TTC23: variants seen among roughly 807,000 people sequenced by gnomAD.
TTC23 encodes tetratricopeptide repeat protein 23.
Under a neutral mutation model 55.1 loss-of-function variants are expected in TTC23, and 58 were observed. The ratio of observed to expected loss-of-function variants is 1.05; its 90% CI spans 0.85 to 1.31. The LOEUF is 1.31. TTC23 is among the 50% of genes most tolerant of loss of function. TTC23 has a pLI of 0.00. For missense variants in TTC23, 516 were observed against 534.4 expected, an observed-to-expected ratio of 0.97 and a Z score of 0.34; for synonymous variants, 203 against 199.9, an observed-to-expected ratio of 1.02 and a Z score of -0.13.
chr15:99,148,308 C>T (rs1005719284), intron 12 of TTC23, among the ~76,000 whole-genome samples: 2 of 127,736 alleles, frequency 1.6e-5, no homozygotes, highest in Admixed American at 9.5e-5. Context: ...TTGCAGTGAG[C>T]CGAGATCGCG....
chr15:99,187,541 T>C (rs1297747376), intron 9 of TTC23, among the ~76,000 whole-genome samples: 2 of 144,312 alleles, frequency 1.4e-5, no homozygotes, highest in African/African-American at 2.6e-5. Flanking sequence ...AAAGGACACA[T>C]CAAGAAAGTC....
chr15:99,191,713 T>A (rs953079702), intron 9 of TTC23, among the ~76,000 whole-genome samples: 4 of 152,166 alleles, frequency 2.6e-5, no homozygotes, highest in African/African-American at 9.7e-5. Flanking sequence ...ATCAGCAGCA[T>A]GAAAACAGAC....
chr15:99,193,977 C>T (rs2075473645), intron 9 of TTC23, among the ~76,000 whole-genome samples: 2 of 151,524 alleles, frequency 1.3e-5, no homozygotes, highest in African/African-American at 4.9e-5. Flanking sequence ...CCACTGCACT[C>T]CAGCCTGGGT....
At chr15:99,211,247 CAT>C (rs1366819265) in intron 8 of TTC23, among the ~76,000 whole-genome samples, 2 of 152,012 alleles carry the variant, frequency 1.3e-5, no homozygotes, top group Admixed American at 1.3e-4. Context: ...TGGTGGCACA[CAT>C]GTGTAATCCC....
At chr15:99,153,103 C>T (rs1390145901) in intron 12 of TTC23, among the ~76,000 whole-genome samples, 1 of 152,242 alleles carries the variant, frequency 6.6e-6, no homozygotes, top group African/African-American at 2.4e-5. Context: ...CTGGCCAGCA[C>T]TGGCTCTTAC....
At chr15:99,232,206 G>A (rs558506157) in intron 4 of TTC23, among the ~76,000 whole-genome samples, 4 of 151,760 alleles carry the variant, frequency 2.6e-5, no homozygotes, top group South Asian at 4.2e-4. Context: ...TTGGCGGGGC[G>A]CGGTGGCTCA....
intron 12 of TTC23, chr15:99,139,688 G>C: frequency 7.2e-7 from 1 of 1,385,278 alleles, no homozygotes; most frequent in Non-Finnish European, 9.6e-7. Context: ...AAGAACCTTG[G>C]TACTGACCAG....
intron 10 of TTC23, among the ~76,000 whole-genome samples, chr15:99,171,000 T>C (rs1366691322): frequency 6.6e-6 from 1 of 152,262 alleles, no homozygotes; most frequent in Non-Finnish European, 1.5e-5. Context: ...TTGAGGGTTC[T>C]TCTTGCTTTT....
At chr15:99,230,037 C>T (rs1165181682) in intron 4 of TTC23, among the ~76,000 whole-genome samples, 1 of 152,142 alleles carries the variant, frequency 6.6e-6, no homozygotes, top group East Asian at 1.9e-4. Context: ...CCAAAGATTA[C>T]CAAGCATCCA....
At chr15:99,193,260 A>C (rs1268287240) in intron 9 of TTC23, among the ~76,000 whole-genome samples, 1 of 152,146 alleles carries the variant, frequency 6.6e-6, no homozygotes, top group Non-Finnish European at 1.5e-5. Flanking sequence ...AAGATATTAG[A>C]TTTTGGAGAG....
chr15:99,172,084 C>T (rs188872955), intron 10 of TTC23, among the ~76,000 whole-genome samples: 30 of 151,368 alleles, frequency 2.0e-4, no homozygotes, highest in Admixed American at 3.3e-4. Flanking sequence ...GTGGCACAAT[C>T]TTGGCTCACT....
chr15:99,160,109 A>G (rs1484688903), intron 11 of TTC23: 2 of 152,134 alleles, frequency 1.3e-5, no homozygotes, highest in Non-Finnish European at 2.9e-5. Context: ...GGGTTGGGTG[A>G]CTGAGAAACA....
At chr15:99,202,775 G>T (rs1455819075) in intron 8 of TTC23, among the ~76,000 whole-genome samples, 1 of 152,206 alleles carries the variant, frequency 6.6e-6, no homozygotes, top group Non-Finnish European at 1.5e-5. Flanking sequence ...AGAATCAGTT[G>T]TAAGTAAGCA....
At chr15:99,163,567 C>T (rs2602027) in intron 10 of TTC23, among the ~76,000 whole-genome samples, 32,794 of 152,090 alleles carry the variant, frequency 0.22, 3,733 homozygotes, top group African/African-American at 0.28. Flanking sequence ...AAATTTGTTA[C>T]GCAGGAAATA....
intron 10 of TTC23, among the ~76,000 whole-genome samples, chr15:99,165,850 T>C (rs748500739): frequency 2.6e-5 from 4 of 152,216 alleles, no homozygotes; most frequent in Non-Finnish European, 5.9e-5. Context: ...TTATTGATTA[T>C]AAAAGCATTA....
chr15:99,239,887 G>A lies in TTC23; in HGVS notation c.-114+1478C>T, dbSNP rs114652220. Among the ~76,000 whole-genome samples the A allele has an allele frequency of 4.6e-3, 697 of 152,230 alleles. 6 individuals carry two copies. Among genetic ancestry groups the A allele is most frequent in the African/African-American group, 0.016 (668 of 41,540 alleles). ...CCTTACAACCATGTAAGGTACAGAGGGTAGCTATTATCATCCCCATTTTAT... is the reference window on the plus strand; with the variant it reads ...CCTTACAACCATGTAAGGTACAGAGAGTAGCTATTATCATCCCCATTTTAT... On this transcript the variant is annotated intron_variant, in intron 3 of 13. Coordinates refer to ENST00000394132, the MANE Select transcript of TTC23 (RefSeq NM_001288615.3).
intron 5 of TTC23, among the ~76,000 whole-genome samples, chr15:99,227,924 G>T (rs1354336135): frequency 6.6e-6 from 1 of 152,148 alleles, no homozygotes; most frequent in Non-Finnish European, 1.5e-5. Context: ...TTCGTGTTTT[G>T]CATCTATGTC....
chr15:99,138,255 AGAG>A (rs1196943993), intron 13 of TTC23, 128 bp from the exon 14 acceptor site: 22 of 1,086,694 alleles, frequency 2.0e-5, no homozygotes, highest in African/African-American at 1.9e-4. Context: ...GCTATAAATG[AGAG>A]GAGAATTGTA....
intron 1 of TTC23, among the ~76,000 whole-genome samples, 169 bp downstream of exon 1, chr15:99,249,002 A>G (rs540503829): frequency 6.6e-6 from 1 of 152,292 alleles, no homozygotes; most frequent in East Asian, 1.9e-4. Context: ...TTTAATAGAT[A>G]TATTATCTAT....
Sources: gnomAD v4.1 joint callset for allele counts (sites outside exome capture counted in the v4.1 genomes callset) on GRCh38, gnomAD v4.1.1 for gene constraint, MANE v1.5 for transcripts, NCBI Gene and HGNC (gene_info 2026-07-23, HGNC 2026-07-21) for gene names.